Variants in OSBPL3 observed in about 807,000 individuals in gnomAD.
OSBPL3 encodes the protein oxysterol binding protein like 3, also known as oxysterol-binding protein-related protein 3.
In OSBPL3, 65 loss-of-function variants were observed where a neutral mutation model predicts 120.1. The ratio of observed to expected loss-of-function variants is 0.54; its 90% confidence interval spans 0.44 to 0.67. The LOEUF is 0.67. Among genes scored for constraint, OSBPL3 ranks in the 30% least tolerant of loss-of-function variants. The pLI, the probability that OSBPL3 is intolerant of heterozygous loss-of-function variation, is 0.00. For missense variants in OSBPL3, 1,004 were observed against 1,082.1 expected, an observed-to-expected ratio of 0.93 and a Z score of 1.01; for synonymous variants, 416 against 402.6, an observed-to-expected ratio of 1.03 and a Z score of -0.40.
Position 24,820,384 on chromosome 7 carries a change from T to G in OSBPL3, c.1885-146A>C. 1.7e-6 allele frequency: 1 copy of G among 594,378 alleles called. No homozygotes were observed. 36.8% of individuals were successfully genotyped at this position (594,378 alleles called of 1,614,324 possible). On this transcript the variant is annotated intron_variant, in intron 16 of 22. Transcript: ENST00000313367. The surrounding 1 kb of genome is among the most constrained non-coding windows in gnomAD (Gnocchi z 4.6). ...TCTTTAGTTTCCCTCATCAAGTGTG[T>G]CCTCAAGAGGGCGCTCCTGATACAG...
At chr7:24,906,411 G>A (rs1807925460) in intron 1 of OSBPL3, 1 of 252,592 alleles carries the variant, frequency 4.0e-6, no homozygotes. Context: ...TGGAGTAGGA[G>A]GAACCTTTCC....
chr7:24,980,570 G>T (rs1053675519), upstream of OSBPL3, among the ~76,000 whole-genome samples: 7 of 152,104 alleles, frequency 4.6e-5, no homozygotes, highest in African/African-American at 1.4e-4. Flanking sequence ...CGCGGGAGGG[G>T]CAGGTTTACG....
Position 24,806,469 on chromosome 7 carries a change from G to A in OSBPL3, c.2444+307C>T, listed in dbSNP as rs1387923483. Among the ~76,000 whole-genome samples the A allele has an allele frequency of 2.6e-5, 4 of 152,292 alleles. No individual in the cohort carries two copies. The highest frequency in any genetic ancestry group is 7.2e-5 in the African/African-American group (3 of 41,574). ...AATTTGAGGGCTCGGGGAGCTGGAG[G>A]TTTTAACTTACTTACTTTACACTAA... On this transcript the variant is annotated intron_variant, in intron 21 of 22. Transcript: ENST00000313367. The surrounding 1 kb of genome is among the most constrained non-coding windows in gnomAD (Gnocchi z 5.2).
chr7:24,875,320 C>A lies in OSBPL3; in HGVS notation c.97-3251G>T, dbSNP rs77993939. Reference sequence around the variant, plus strand: ...GAGAACGATATTGCTGAAGGCCATGCTATTTGAGTTATTAATATAGCACAC... The same window carrying A: ...GAGAACGATATTGCTGAAGGCCATGATATTTGAGTTATTAATATAGCACAC... On this transcript the variant is annotated intron_variant, in intron 2 of 22. Transcript: ENST00000313367. 7.4e-3 allele frequency among the ~76,000 whole-genome samples: 1,128 copies of A among 152,224 alleles called. 12 individuals are homozygous for A. The highest frequency in any genetic ancestry group is 0.022 in the African/African-American group (926 of 41,540).
At chr7:24,925,901 G>A (rs1259635110) in intron 1 of OSBPL3, among the ~76,000 whole-genome samples, 2 of 152,208 alleles carry the variant, frequency 1.3e-5, no homozygotes, top group Non-Finnish European at 2.9e-5. Context: ...AGTTTCCACG[G>A]ATCACTATAA....
intron 1 of OSBPL3, among the ~76,000 whole-genome samples, chr7:24,960,151 G>T (rs568075387): frequency 8.5e-5 from 13 of 152,144 alleles, no homozygotes; most frequent in African/African-American, 3.1e-4. Flanking sequence ...TTATAACACT[G>T]CACAACAGAC....
Position 24,952,809 on chromosome 7 carries a change from C to T in OSBPL3, c.-150+27077G>A, listed in dbSNP as rs1747595971. On this transcript the variant is annotated intron_variant, in intron 1 of 22. Coordinates refer to ENST00000313367, the MANE Select transcript of OSBPL3 (RefSeq NM_015550.4). The surrounding 1 kb of genome is among the most constrained non-coding windows in gnomAD (Gnocchi z 4.4). ...TCCCAGATTTAAAATATTTCCCTACCCAATTCCCTATCAACCCCGCTTCCC... is the reference window on the plus strand; with the variant it reads ...TCCCAGATTTAAAATATTTCCCTACTCAATTCCCTATCAACCCCGCTTCCC... Among the ~76,000 whole-genome samples the T allele has an allele frequency of 6.6e-6, 1 of 152,134 alleles. No individual in the cohort carries two copies. The highest frequency in any genetic ancestry group is 1.5e-5 in the Non-Finnish European group (1 of 68,026).
At chr7:24,859,728 A>G (rs1473406559) in intron 10 of OSBPL3, among the ~76,000 whole-genome samples, 1 of 152,208 alleles carries the variant, frequency 6.6e-6, no homozygotes, top group Non-Finnish European at 1.5e-5. Context: ...GATCATAATG[A>G]TACCTACTTC....
chr7:24,956,946 G>C (rs1815135379), intron 1 of OSBPL3, among the ~76,000 whole-genome samples: 1 of 152,106 alleles, frequency 6.6e-6, no homozygotes, highest in African/African-American at 2.4e-5. Context: ...ATCAATTAAA[G>C]TGGTAAGATT....
chr7:24,858,916 T>C lies in OSBPL3; in HGVS notation c.1027+2697A>G, dbSNP rs557161173. 4.6e-5 allele frequency among the ~76,000 whole-genome samples: 7 copies of C among 152,314 alleles called. No individual in the cohort carries two copies. The South Asian group carries it at 1.5e-3, about 32-fold the overall frequency. On this transcript the variant is annotated intron_variant, in intron 10 of 22. Coordinates refer to ENST00000313367, the MANE Select transcript of OSBPL3 (RefSeq NM_015550.4). ...TCTCATTGTTTAAAAGTTTGTATTA[T>C]TAAAAAGTAACAATGTTTTATAGGA...
intron 19 of OSBPL3, among the ~76,000 whole-genome samples, chr7:24,812,504 G>A (rs1398228774): frequency 1.3e-5 from 2 of 152,026 alleles, no homozygotes; most frequent in African/African-American, 4.8e-5. Flanking sequence ...ATTTTATACA[G>A]TTCCACACTG....
At chr7:24,969,974 C>T (rs1323268985) in intron 1 of OSBPL3, among the ~76,000 whole-genome samples, 1 of 152,116 alleles carries the variant, frequency 6.6e-6, no homozygotes, top group Non-Finnish European at 1.5e-5. Context: ...TTTACTTTTC[C>T]CATTACACAG....
chr7:24,941,255 C>T (rs1813074183), intron 1 of OSBPL3, among the ~76,000 whole-genome samples: 1 of 152,194 alleles, frequency 6.6e-6, no homozygotes. Context: ...TCAGATAACT[C>T]CTCCTAATTG....
Position 24,913,289 on chromosome 7 carries a change from G to C in OSBPL3, c.-149-20668C>G, listed in dbSNP as rs1809097767. Reference sequence around the variant, plus strand: ...CATTAGATCGCTGAAACCCCAGGCAGGAAGCCCTGGCAGACCTCCAGACTC... The same window carrying C: ...CATTAGATCGCTGAAACCCCAGGCACGAAGCCCTGGCAGACCTCCAGACTC... On this transcript the variant is annotated intron_variant, in intron 1 of 22. Transcript: ENST00000313367. This position sits in a 1 kb window ranked among gnomAD's most constrained non-coding sequence, Gnocchi z 5.3. Among the ~76,000 whole-genome samples, 1 of 152,204 alleles carries C rather than the reference G, an allele frequency of 6.6e-6. No individual in the cohort carries two copies.
Position 24,849,147 on chromosome 7 carries a change from T to A in OSBPL3, c.1188A>T (p.Glu396Asp). 6.2e-7 allele frequency: 1 copy of A among 1,613,898 alleles called. No homozygotes were observed. ...ACTCGGCATGGATTCTGCGTAAGCG[T>A]TCTTTAAGATCTGTGTTTTGTGCTA... ...SALAQNTDLK[E>D]RLRRIHAESL... Residue 396 changes from glutamate (E) to aspartate (D), a missense_variant, in exon 12 of 23, where the codon GAA becomes GAT. Physicochemically the swap from Glu to Asp is conservative, Grantham distance 45. This residue lies in a region of OSBPL3 where 272 missense variants were observed against 248.8 expected (regional missense o/e 1.09). Transcript: ENST00000313367. The surrounding 1 kb of genome is among the most constrained non-coding windows in gnomAD (Gnocchi z 5.4).
chr7:24,951,246 G>C (rs752349618), intron 1 of OSBPL3, among the ~76,000 whole-genome samples: 4 of 152,174 alleles, frequency 2.6e-5, no homozygotes, highest in Non-Finnish European at 5.9e-5. Context: ...CCTAATGTAA[G>C]TGGATCCTTA....
Position 24,804,171 on chromosome 7 carries a change from G to C in OSBPL3, c.2567+144C>G, listed in dbSNP as rs1034893297. On this transcript the variant is annotated intron_variant, in intron 22 of 22. Transcript: ENST00000313367. This position sits in a 1 kb window ranked among gnomAD's most constrained non-coding sequence, Gnocchi z 5.4. ...AGTGCGGGGGACAGGGCCTGGCACA[G>C]AGGAGCAGTACCCCCACGTGGAAGC... 6.5e-6 allele frequency: 6 copies of C among 927,968 alleles called. No homozygotes were observed. The highest frequency in any genetic ancestry group is 1.0e-5 in the Non-Finnish European group (6 of 598,556). The allele number at this position is 927,968 out of a possible 1,614,324, so 57.5% of individuals were successfully genotyped here.
chr7:24,898,648 G>A lies in OSBPL3; in HGVS notation c.-149-6027C>T, dbSNP rs964254235. 1.3e-5 allele frequency among the ~76,000 whole-genome samples: 2 copies of A among 152,116 alleles called. No individual in the cohort carries two copies. The highest frequency in any genetic ancestry group is 6.5e-5 in the Admixed American group (1 of 15,286). On this transcript the variant is annotated intron_variant, in intron 1 of 22. Coordinates refer to ENST00000313367, the MANE Select transcript of OSBPL3 (RefSeq NM_015550.4). This position sits in a 1 kb window ranked among gnomAD's most constrained non-coding sequence, Gnocchi z 4.3. ...CACCTGGTGCATATTTGAAGCGTGC[G>A]GCTTCCATGAGACAAAAAGCTGGAC...
intron 2 of OSBPL3, among the ~76,000 whole-genome samples, chr7:24,884,069 A>G (rs921153270): frequency 7.6e-6 from 1 of 132,274 alleles, no homozygotes; most frequent in African/African-American, 3.1e-5. Context: ...GAAAACAAAC[A>G]AACAAACAAC....
Sources: allele counts gnomAD v4.1 joint callset (sites outside exome capture counted in the v4.1 genomes callset), GRCh38; gene constraint gnomAD v4.1.1; regional missense constraint gnomAD v4.1.1; non-coding constraint Gnocchi (gnomAD v3.1); transcripts MANE v1.5; gene names NCBI Gene and HGNC (gene_info 2026-07-23, HGNC 2026-07-21).